SLC39A11: variants seen among roughly 807,000 people sequenced by gnomAD.
SLC39A11 encodes solute carrier family 39 member 11.
A neutral mutation model predicts 36.1 loss-of-function variants in SLC39A11; 33 were observed. That is an observed-to-expected ratio of 0.91 (90% CI 0.69 to 1.22). The LOEUF (loss-of-function observed/expected upper bound fraction) is 1.22, where lower values mean the gene tolerates loss of function less well. Ranked by LOEUF, SLC39A11 falls within the 50% of genes most tolerant of loss-of-function variation. The pLI is 0.00. For synonymous variants in SLC39A11, 166 were observed against 170.3 expected (o/e 0.97, Z 0.20); for missense variants, 432 against 430.3 (o/e 1.00, Z -0.03).
intron 5 of SLC39A11, among the ~76,000 whole-genome samples, chr17:72,866,341 C>T (rs2080302543): frequency 6.6e-6 from 1 of 152,146 alleles, no homozygotes; most frequent in Non-Finnish European, 1.5e-5. Context: ...GGAAAACAAG[C>T]TCGGGGCTCC....
chr17:73,043,024 G>C (rs1031786422), intron 3 of SLC39A11, among the ~76,000 whole-genome samples: 3 of 149,398 alleles, frequency 2.0e-5, no homozygotes, highest in African/African-American at 7.4e-5. Context: ...TCCAGGAGCT[G>C]GCTCTGGACT....
rs140437789 is a variant in SLC39A11 at position 72,648,956 on chromosome 17, C to G, written c.776G>C (p.Gly259Ala). 1,726 of 1,611,798 alleles carry G rather than the reference C, an allele frequency of 1.1e-3. 1 individual carries two copies. The highest frequency in any genetic ancestry group is 1.4e-3 in the Non-Finnish European group (1,629 of 1,178,914). The change falls in exon 9 of 10, where the codon GGG becomes GCG. Residue 259 changes from glycine (G) to alanine (A), a missense_variant. Physicochemically the swap from Gly to Ala is moderately conservative, Grantham distance 60 (BLOSUM62 0). Coordinates refer to ENST00000255559, the MANE Select transcript of SLC39A11 (RefSeq NM_139177.4). ...GFSTWRAFWY[G>A]QLSGMVEPLA... ...GGGCTCCACCATGCCGCTCAGCTGC[C>G]CATACCTAAGGAGAGAACAGAGACA...
rs112366417 is a variant in SLC39A11, at chr17:73,036,073, C to T, written c.148-4359G>A. Among the ~76,000 whole-genome samples the T allele has an allele frequency of 4.4e-3, 671 of 152,258 alleles. 5 individuals are homozygous for T. Among genetic ancestry groups the T allele is most frequent in the African/African-American group, 0.016 (652 of 41,526 alleles). On this transcript the variant is annotated intron_variant, in intron 3 of 9. Coordinates refer to ENST00000255559, the MANE Select transcript of SLC39A11 (RefSeq NM_139177.4). Reference sequence around the variant, plus strand: ...TCCTCCAAATCCTCCAAGAGGAACCCAGCCCTGCTGCCACCTTGACTTTGT... The same window carrying T: ...TCCTCCAAATCCTCCAAGAGGAACCTAGCCCTGCTGCCACCTTGACTTTGT...
At chr17:73,062,475 A>AACAAAAAAAAAAAAAAAAAC (rs1555698614) in intron 3 of SLC39A11, among the ~76,000 whole-genome samples, 9 of 87,034 alleles carry the variant, frequency 1.0e-4, no homozygotes, top group Non-Finnish European at 1.9e-4. Context: ...AAAAAAAAAA[A>AACAAAAAAAAAAAAAAAAAC]AAACTTTAGG....
At chr17:72,818,059 C>G (rs938057579) in intron 6 of SLC39A11, 1 of 152,102 alleles carries the variant, frequency 6.6e-6, no homozygotes, top group Non-Finnish European at 1.5e-5. Context: ...GGTAATCGCC[C>G]CCATGATTCA....
chr17:72,826,807 T>C (rs1044731002), intron 6 of SLC39A11, among the ~76,000 whole-genome samples: 1 of 152,138 alleles, frequency 6.6e-6, no homozygotes, highest in Non-Finnish European at 1.5e-5. Flanking sequence ...AACTACCACT[T>C]ACAACCACTA....
intron 6 of SLC39A11, among the ~76,000 whole-genome samples, chr17:72,755,888 T>C (rs1317240023): frequency 6.6e-6 from 1 of 152,132 alleles, no homozygotes; most frequent in Non-Finnish European, 1.5e-5. Context: ...CAAACTGAAC[T>C]AGGGTAGCTC....
intron 3 of SLC39A11, among the ~76,000 whole-genome samples, chr17:73,033,067 G>A (rs1330454041): frequency 6.6e-6 from 1 of 152,152 alleles, no homozygotes; most frequent in African/African-American, 2.4e-5. Context: ...AGATCATCGG[G>A]CATTAGAGTC....
chr17:72,769,051 C>T (rs1406822996), intron 6 of SLC39A11, among the ~76,000 whole-genome samples: 1 of 152,188 alleles, frequency 6.6e-6, no homozygotes, highest in East Asian at 1.9e-4. Flanking sequence ...TGAGCCACTG[C>T]GCCCAGCCAA....
intron 5 of SLC39A11, among the ~76,000 whole-genome samples, chr17:72,893,092 A>T (rs2081841278): frequency 6.6e-6 from 1 of 152,230 alleles, no homozygotes; most frequent in African/African-American, 2.4e-5. Context: ...CTAACTAAAC[A>T]ATACCCACTA....
Position 72,932,309 on chromosome 17 carries a change from T to TATTATTATTATTATTATTATTATTATA in SLC39A11, c.430+15442_430+15443insTATAATAATAATAATAATAATAATAAT, listed in dbSNP as rs565770380. Among the ~76,000 whole-genome samples, 245 of 151,488 alleles carry TATTATTATTATTATTATTATTATTATA rather than the reference T, an allele frequency of 1.6e-3. 4 individuals are homozygous for TATTATTATTATTATTATTATTATTATA. Among genetic ancestry groups the TATTATTATTATTATTATTATTATTATA allele is most frequent in the African/African-American group, 5.8e-3 (238 of 40,828 alleles). On this transcript the variant is annotated intron_variant, in intron 5 of 9. Coordinates refer to ENST00000255559, the MANE Select transcript of SLC39A11 (RefSeq NM_139177.4). ...CCTGTTCTTTTATTATTATTATTAT[T>TATTATTATTATTATTATTATTATTATA]ATACTTTAAGTTCTGGGTTACATGT...
chr17:73,081,936 A>G (rs970220299), intron 3 of SLC39A11, among the ~76,000 whole-genome samples: 1 of 151,200 alleles, frequency 6.6e-6, no homozygotes, highest in African/African-American at 2.4e-5. Context: ...AGAATGATAC[A>G]ATGGACTCTG....
rs1028962674 is a variant in SLC39A11 at position 72,978,296 on chromosome 17, G to A, written c.307-30421C>T. On this transcript the variant is annotated intron_variant, in intron 4 of 9. Coordinates refer to ENST00000255559, the MANE Select transcript of SLC39A11 (RefSeq NM_139177.4). The stretch of plus-strand genomic sequence containing the variant: ...ATATTTACCGAGCATTGTTCCCTGT[G>A]AGTCACTGTGCTGGTGTTGGCGACA... 6.6e-5 allele frequency among the ~76,000 whole-genome samples: 10 copies of A among 152,174 alleles called. No homozygotes were observed. The South Asian group carries it at 1.0e-3, about 16-fold the overall frequency.
intron 7 of SLC39A11, among the ~76,000 whole-genome samples, chr17:72,716,351 T>TG: frequency 1.3e-5 from 2 of 152,204 alleles, no homozygotes; most frequent in Middle Eastern, 6.8e-3. Context: ...CCTTTTTTTT[T>TG]TTGTTGTTTG....
intron 4 of SLC39A11, among the ~76,000 whole-genome samples, chr17:73,026,867 C>T (rs1400058541): frequency 2.2e-4 from 33 of 152,008 alleles, no homozygotes; most frequent in Admixed American, 2.2e-3. Context: ...AATCCCAACA[C>T]TGAAGAGGGG....
At chr17:72,995,777 C>T (rs1188485394) in intron 4 of SLC39A11, among the ~76,000 whole-genome samples, 1 of 152,160 alleles carries the variant, frequency 6.6e-6, no homozygotes, top group African/African-American at 2.4e-5. Context: ...ACACCACTGG[C>T]TTTCCTGGTT....
chr17:72,759,938 G>C (rs185583164), intron 6 of SLC39A11, among the ~76,000 whole-genome samples: 1 of 152,312 alleles, frequency 6.6e-6, no homozygotes, highest in East Asian at 1.9e-4. Context: ...GATACCCAGA[G>C]AAGTATTGGG....
intron 5 of SLC39A11, among the ~76,000 whole-genome samples, chr17:72,869,063 A>C (rs529128752): frequency 1.3e-5 from 2 of 152,336 alleles, no homozygotes; most frequent in African/African-American, 4.8e-5. Context: ...TCTTTAAAAG[A>C]GAGAGCTTTC....
At chr17:73,038,923 A>G (rs1292591255) in intron 3 of SLC39A11, among the ~76,000 whole-genome samples, 1 of 151,952 alleles carries the variant, frequency 6.6e-6, no homozygotes, top group African/African-American at 2.4e-5. Flanking sequence ...AAGCAGCTCA[A>G]TCTGTGACAA....
Sources: gnomAD v4.1 joint callset for allele counts (sites outside exome capture counted in the v4.1 genomes callset) on GRCh38, gnomAD v4.1.1 for gene constraint, MANE v1.5 for transcripts, NCBI Gene and HGNC (gene_info 2026-07-23, HGNC 2026-07-21) for gene names.